The following LOXHD1 variants were observed in gnomAD, a reference collection of about 807,000 sequenced individuals.
LOXHD1 encodes the protein lipoxygenase homology PLAT domains 1.
Under a neutral mutation model 248.2 loss-of-function variants are expected in LOXHD1, and 205 were observed. The ratio of observed to expected loss-of-function variants is 0.83; its 90% CI spans 0.74 to 0.93. The LOEUF (loss-of-function observed/expected upper bound fraction) is 0.93, where lower values mean the gene tolerates loss of function less well. Ranked by LOEUF, LOXHD1 falls within the 40% of genes least tolerant of loss-of-function variation. LOXHD1 has a pLI of 0.00. For missense variants in LOXHD1, 2,930 were observed against 2,971.6 expected, an observed-to-expected ratio of 0.99 and a Z score of 0.33; for synonymous variants, 1,113 against 1,162.8, an observed-to-expected ratio of 0.96 and a Z score of 0.87.
chr18:46,506,080 T>C (rs1320273877), intron 36 of LOXHD1, 57 bp from the exon 37 acceptor site: 4 of 1,533,386 alleles, frequency 2.6e-6, no homozygotes, highest in Non-Finnish European at 3.5e-6. Flanking sequence ...CACAGTCCTC[T>C]TGCTCTGGCC....
chr18:46,504,517 T>A (rs2034439871), intron 37 of LOXHD1, among the ~76,000 whole-genome samples: 1 of 152,226 alleles, frequency 6.6e-6, no homozygotes, highest in African/African-American at 2.4e-5. Context: ...TGGGATACAC[T>A]GAAATTTGAA....
At chr18:46,608,409 A>G (rs2038454659) in intron 6 of LOXHD1, among the ~76,000 whole-genome samples, 1 of 152,200 alleles carries the variant, frequency 6.6e-6, no homozygotes, top group Admixed American at 6.5e-5. Flanking sequence ...CAACGCACCC[A>G]TGTGACCAAG....
intron 26 of LOXHD1, among the ~76,000 whole-genome samples, chr18:46,536,437 G>C (rs1339509923): frequency 6.6e-6 from 1 of 152,002 alleles, no homozygotes; most frequent in Non-Finnish European, 1.5e-5. Context: ...AGAGACAGAG[G>C]CCAGGAGACA....
At chr18:46,504,201 C>T (rs1412671119) in intron 37 of LOXHD1, among the ~76,000 whole-genome samples, 2 of 152,078 alleles carry the variant, frequency 1.3e-5, no homozygotes, top group African/African-American at 2.4e-5. Context: ...GCAGCCTTGA[C>T]CTCAAGTGAT....
At chr18:46,489,191 C>T in intron 37 of LOXHD1, 49 bp from the exon 38 acceptor site, 2 of 1,537,410 alleles carry the variant, frequency 1.3e-6, no homozygotes, top group Non-Finnish European at 1.8e-6. Flanking sequence ...GCCTTCCCTC[C>T]CCTTTCAGAC....
At chr18:46,546,393 C>T (rs1384675728) in intron 22 of LOXHD1, among the ~76,000 whole-genome samples, 2 of 151,410 alleles carry the variant, frequency 1.3e-5, no homozygotes, top group Non-Finnish European at 2.9e-5. Flanking sequence ...CATTCCAATC[C>T]ACTCCACTCC....
chr18:46,574,746 C>T (rs189205957), intron 14 of LOXHD1, among the ~76,000 whole-genome samples: 29 of 152,262 alleles, frequency 1.9e-4, no homozygotes, highest in African/African-American at 6.3e-4. Flanking sequence ...CTTTAATGGG[C>T]TCCTTTCAAA....
intron 34 of LOXHD1, among the ~76,000 whole-genome samples, chr18:46,517,271 T>C: frequency 6.6e-6 from 1 of 151,930 alleles, no homozygotes. Flanking sequence ...ACAGGGACAA[T>C]GAGTACTATA....
At chr18:46,552,268 A>G (rs930094117) in intron 21 of LOXHD1, among the ~76,000 whole-genome samples, 1 of 152,208 alleles carries the variant, frequency 6.6e-6, no homozygotes, top group Non-Finnish European at 1.5e-5. Flanking sequence ...ACAAAACAAA[A>G]CAAAACATTC....
At position 46,594,376 on chromosome 18, in the gene LOXHD1, T is replaced by A. The variant is rs1475971630; in HGVS notation, c.1225A>T (p.Arg409Trp). The A allele has an allele frequency of 5.8e-6, 9 of 1,551,676 alleles. No individual in the cohort carries two copies. Among genetic ancestry groups the A allele is most frequent in the East Asian group, 2.4e-5 (1 of 40,910 alleles). The part of the protein sequence containing the change: ...DEKKADGLIE[R>W]QLYEMVSLRK... ...AGAGACACCATCTCATAGAGCTGCC[T>A]CTCAATCAACCCATCCGCTTTCTTC... Residue 409 changes from arginine (R) to tryptophan (W), a missense_variant, in exon 9 of 41, where the codon AGG (arginine) becomes TGG (tryptophan). Arg to Trp is a moderately radical substitution (Grantham distance 101). Coordinates refer to ENST00000642948, the MANE Select transcript of LOXHD1 (RefSeq NM_001384474.1).
At chr18:46,649,069 C>T (rs2039073007) in intron 2 of LOXHD1, 86 bp downstream of exon 2, 1 of 1,112,098 alleles carries the variant, frequency 9.0e-7, no homozygotes, top group East Asian at 2.6e-5. Flanking sequence ...GCCTTCTCCC[C>T]AGAGAAGCAG....
At chr18:46,576,803 T>G (rs1239303631) in intron 14 of LOXHD1, among the ~76,000 whole-genome samples, 1 of 152,172 alleles carries the variant, frequency 6.6e-6, no homozygotes, top group African/African-American at 2.4e-5. Flanking sequence ...TGCTAAGTAA[T>G]TCAGCTGCAG....
chr18:46,488,010 T>C (rs1183627645), intron 38 of LOXHD1, among the ~76,000 whole-genome samples: 1 of 152,174 alleles, frequency 6.6e-6, no homozygotes, highest in Non-Finnish European at 1.5e-5. Flanking sequence ...ATAACATAAA[T>C]ATGAAGATGG....
At chr18:46,547,253 T>C (rs959190364) in intron 21 of LOXHD1, among the ~76,000 whole-genome samples, 195 bp from the exon 22 acceptor site, 3 of 152,148 alleles carry the variant, frequency 2.0e-5, no homozygotes, top group East Asian at 1.9e-4. Context: ...GAGAACAAAC[T>C]TGGGGACATT....
At position 46,583,538 on chromosome 18, in the gene LOXHD1, C is replaced by T. The variant is rs181081933; in HGVS notation, c.1655-3754G>A. ...GAAATTGGCTAAAGACCTTAACAGACATTTCTCAAAAGAAGACATACAAAT... is the reference window on the plus strand; with the variant it reads ...GAAATTGGCTAAAGACCTTAACAGATATTTCTCAAAAGAAGACATACAAAT... On this transcript the variant is annotated intron_variant, in intron 12 of 40. Coordinates refer to ENST00000642948, the MANE Select transcript of LOXHD1 (RefSeq NM_001384474.1). 2.0e-3 allele frequency among the ~76,000 whole-genome samples: 300 copies of T among 152,082 alleles called. 1 individual carries two copies. Among genetic ancestry groups the T allele is most frequent in the African/African-American group, 7.1e-3 (293 of 41,484 alleles).
chr18:46,540,655 T>A (rs1161255791), intron 25 of LOXHD1, among the ~76,000 whole-genome samples: 1 of 12,492 alleles, frequency 8.0e-5, no homozygotes, highest in Non-Finnish European at 3.0e-4. Context: ...ACTCTTTATC[T>A]TTTTTTTTTT....
chr18:46,642,720 T>C (rs1454759643), intron 2 of LOXHD1, among the ~76,000 whole-genome samples: 1 of 152,192 alleles, frequency 6.6e-6, no homozygotes, highest in Non-Finnish European at 1.5e-5. Flanking sequence ...ACAGTGAGCA[T>C]AGACACAGGA....
intron 27 of LOXHD1, 69 bp downstream of exon 27, chr18:46,534,266 G>A: frequency 2.7e-6 from 3 of 1,093,556 alleles, no homozygotes; most frequent in Non-Finnish European, 2.7e-6. Flanking sequence ...GTCCTCACAG[G>A]GAATTTGCCT....
At chr18:46,652,217 G>A (rs2039120490) in intron 1 of LOXHD1, among the ~76,000 whole-genome samples, 1 of 152,158 alleles carries the variant, frequency 6.6e-6, no homozygotes, top group African/African-American at 2.4e-5. Flanking sequence ...GTGGTTGCCT[G>A]GGGTCAGAAG....
Sources: allele counts gnomAD v4.1 joint callset (sites outside exome capture counted in the v4.1 genomes callset), GRCh38; gene constraint gnomAD v4.1.1; transcripts MANE v1.5; gene names NCBI Gene and HGNC (gene_info 2026-07-23, HGNC 2026-07-21).